The following MED27 variants were observed in gnomAD, a reference collection of about 807,000 sequenced individuals.
MED27 encodes mediator complex subunit 27, also known as mediator of RNA polymerase II transcription subunit 27.
MED27 carries 30 observed loss-of-function variants against 38.2 expected under a neutral mutation model. The observed-to-expected ratio is 0.79, with a 90% CI of 0.59 to 1.07. MED27 has a LOEUF of 1.07. Ranked by LOEUF, MED27 falls within the 50% of genes least tolerant of loss-of-function variation. MED27 has a pLI of 0.00. For missense variants in MED27, 289 were observed against 397.5 expected (o/e 0.73, Z 2.32); for synonymous variants, 122 against 153.5 (o/e 0.79, Z 1.52).
intron 6 of MED27, among the ~76,000 whole-genome samples, chr9:131,875,056 G>A (rs1838905925): frequency 1.3e-5 from 2 of 152,172 alleles, no homozygotes; most frequent in Non-Finnish European, 2.9e-5. Context: ...GGTGCCAGGC[G>A]CCCCAGCCAC....
intron 6 of MED27, among the ~76,000 whole-genome samples, chr9:131,863,765 G>C (rs1838690994): frequency 6.6e-6 from 1 of 152,120 alleles, no homozygotes; most frequent in Non-Finnish European, 1.5e-5. Flanking sequence ...GGCGCGCCTG[G>C]TGTGGTCCCC....
intron 3 of MED27, among the ~76,000 whole-genome samples, chr9:131,969,012 A>G (rs948203981): frequency 3.3e-5 from 5 of 152,246 alleles, no homozygotes; most frequent in East Asian, 1.9e-4. Flanking sequence ...CCTAGATGGG[A>G]CTGTCTAGTT....
chr9:131,860,943 G>A lies in MED27; in HGVS notation c.802-271C>T, dbSNP rs748324478. On this transcript the variant is annotated intron_variant, in intron 7 of 7. Coordinates refer to ENST00000292035, the MANE Select transcript of MED27 (RefSeq NM_004269.4). This position sits in a 1 kb window ranked among gnomAD's most constrained non-coding sequence, Gnocchi z 5.8. The stretch of plus-strand genomic sequence containing the variant: ...GCAGGAAGGCCTCCCTGGAGTCCCC[G>A]TGAACCACCGAGCAGCCTGGTGGTC... Among the ~76,000 whole-genome samples the A allele has an allele frequency of 1.3e-5, 2 of 152,112 alleles. No homozygotes were observed. Among genetic ancestry groups the A allele is most frequent in the African/African-American group, 4.8e-5 (2 of 41,410 alleles).
intron 2 of MED27, among the ~76,000 whole-genome samples, chr9:132,056,043 C>T (rs906777914): frequency 2.0e-5 from 3 of 152,166 alleles, no homozygotes; most frequent in African/African-American, 4.8e-5. Context: ...CAGACAGGGC[C>T]TGTGTGCTTA....
intron 2 of MED27, among the ~76,000 whole-genome samples, chr9:132,027,488 G>A (rs550956680): frequency 8.0e-4 from 122 of 152,304 alleles, no homozygotes; most frequent in East Asian, 3.1e-3. Flanking sequence ...AGGCACACTC[G>A]TGTGCACACA....
intron 2 of MED27, among the ~76,000 whole-genome samples, chr9:132,054,229 T>G (rs986379281): frequency 1.3e-5 from 2 of 152,090 alleles, no homozygotes; most frequent in African/African-American, 4.8e-5. Context: ...CCTGGCCATA[T>G]TGACGTCTCC....
At chr9:131,942,290 G>A (rs1251689898) in intron 3 of MED27, among the ~76,000 whole-genome samples, 1 of 152,112 alleles carries the variant, frequency 6.6e-6, no homozygotes, top group African/African-American at 2.4e-5. Flanking sequence ...GAAGAAAGGA[G>A]GAAATGAACT....
intron 4 of MED27, among the ~76,000 whole-genome samples, chr9:131,925,195 G>A (rs932507791): frequency 6.6e-6 from 1 of 152,176 alleles, no homozygotes; most frequent in African/African-American, 2.4e-5. Context: ...GGGTACTATG[G>A]AATACGAACA....
At chr9:131,964,054 G>C (rs1233710669) in intron 3 of MED27, among the ~76,000 whole-genome samples, 1 of 152,116 alleles carries the variant, frequency 6.6e-6, no homozygotes, top group Non-Finnish European at 1.5e-5. Context: ...ATTGTGAGGA[G>C]AGTGGAGAAG....
rs567699669 is a variant in MED27 at position 132,075,235 on chromosome 9, G to C, written c.348+2207C>G. 2.0e-5 allele frequency among the ~76,000 whole-genome samples: 3 copies of C among 152,298 alleles called. No homozygotes were observed. The South Asian group carries it at 6.2e-4, about 32-fold the overall frequency. On this transcript the variant is annotated intron_variant, in intron 2 of 7. Transcript: ENST00000292035. The stretch of plus-strand genomic sequence containing the variant: ...AGGAAAGAACATTGAACCAGGTCAG[G>C]AAACCCAAATTCTGGTCTAGCTTGG...
chr9:131,978,282 T>C (rs745412390), intron 3 of MED27, among the ~76,000 whole-genome samples: 6 of 152,056 alleles, frequency 3.9e-5, no homozygotes, highest in Non-Finnish European at 8.8e-5. Context: ...GAAGGAAAAA[T>C]TATATATACA....
chr9:131,863,057 A>T lies in MED27; in HGVS notation c.801+6T>A. 1 of 1,613,842 alleles carries T rather than the reference A, an allele frequency of 6.2e-7. No individual in the cohort carries two copies. On this transcript the variant is annotated splice_donor_region_variant and intron_variant, in intron 7 of 7. Transcript: ENST00000292035. The stretch of plus-strand genomic sequence containing the variant: ...AACAGGAGACCTGACTCTTGAAGCC[A>T]CTTACCATGAAGGATCGGACCACGA...
At chr9:131,998,074 G>A (rs1376035511) in intron 3 of MED27, among the ~76,000 whole-genome samples, 1 of 152,096 alleles carries the variant, frequency 6.6e-6, no homozygotes, top group Non-Finnish European at 1.5e-5. Context: ...AAAGCAGAAA[G>A]CTCTAATTCT....
chr9:131,922,254 A>G (rs180805026), intron 4 of MED27, among the ~76,000 whole-genome samples: 124 of 152,224 alleles, frequency 8.1e-4, no homozygotes, highest in African/African-American at 2.9e-3. Flanking sequence ...AGAAATGAGC[A>G]ATATACCGTG....
rs77267386 is a variant in MED27 at position 131,885,210 on chromosome 9, C to A, written c.682-1111G>T. Among the ~76,000 whole-genome samples the A allele has an allele frequency of 6.9e-4, 105 of 152,322 alleles. No individual in the cohort carries two copies. The East Asian group carries it at 0.014, about 21-fold the overall frequency. Reference sequence around the variant, plus strand: ...ACACTCATGTAATCCCCAGAACTGGCCCATGTGACTGGCCCCATCACAGTC... The same window carrying A: ...ACACTCATGTAATCCCCAGAACTGGACCATGTGACTGGCCCCATCACAGTC... On this transcript the variant is annotated intron_variant, in intron 5 of 7. Transcript: ENST00000292035.
At chr9:132,074,751 C>G (rs1373880167) in intron 2 of MED27, among the ~76,000 whole-genome samples, 1 of 152,204 alleles carries the variant, frequency 6.6e-6, no homozygotes, top group Admixed American at 6.5e-5. Flanking sequence ...TCCCTCTTTT[C>G]TTTCAGGGTT....
intron 6 of MED27, among the ~76,000 whole-genome samples, chr9:131,865,312 C>G (rs1838718410): frequency 6.6e-6 from 1 of 152,082 alleles, no homozygotes; most frequent in East Asian, 1.9e-4. Context: ...GTAATGATAA[C>G]TTTGCAAAAT....
intron 4 of MED27, among the ~76,000 whole-genome samples, chr9:131,924,414 C>A (rs1830447584): frequency 6.6e-6 from 1 of 151,978 alleles, no homozygotes; most frequent in Admixed American, 6.6e-5. Flanking sequence ...TCCTCATTTT[C>A]TATCCCATTT....
At chr9:131,988,238 G>A (rs1299312060) in intron 3 of MED27, among the ~76,000 whole-genome samples, 1 of 152,138 alleles carries the variant, frequency 6.6e-6, no homozygotes, top group African/African-American at 2.4e-5. Context: ...AGCCATGCTT[G>A]TCTACAAAGG....
Sources: gnomAD v4.1 joint callset for allele counts (sites outside exome capture counted in the v4.1 genomes callset) on GRCh38, gnomAD v4.1.1 for gene constraint, Gnocchi (gnomAD v3.1) non-coding constraint, MANE v1.5 for transcripts, NCBI Gene and HGNC (gene_info 2026-07-23, HGNC 2026-07-21) for gene names.